Variants in TRPM3 observed in about 807,000 individuals in gnomAD.
The protein encoded by TRPM3 is transient receptor potential cation channel subfamily M member 3.
TRPM3 carries 77 observed loss-of-function variants against 181.2 expected under a neutral mutation model. The ratio of observed to expected loss-of-function variants is 0.42; its 90% confidence interval spans 0.35 to 0.51. The LOEUF (loss-of-function observed/expected upper bound fraction) is 0.51, where lower values mean the gene tolerates loss of function less well. TRPM3 is among the 20% of genes least tolerant of loss of function. The pLI, the probability that TRPM3 is intolerant of heterozygous loss-of-function variation, is 0.01. For missense variants in TRPM3, 1,759 were observed against 2,196.7 expected, an observed-to-expected ratio of 0.80 and a Z score of 3.98; for synonymous variants, 745 against 796.4, an observed-to-expected ratio of 0.94 and a Z score of 1.09.
intron 1 of TRPM3, among the ~76,000 whole-genome samples, chr9:71,015,173 T>C (rs1028629369): frequency 5.9e-5 from 9 of 152,196 alleles, no homozygotes; most frequent in Non-Finnish European, 8.8e-5. Context: ...TTTAAAATAC[T>C]GACTCCCTCT....
chr9:70,937,696 G>C (rs1453572643), intron 1 of TRPM3, among the ~76,000 whole-genome samples: 1 of 152,058 alleles, frequency 6.6e-6, no homozygotes, highest in Non-Finnish European at 1.5e-5. Flanking sequence ...TGAAATTGTG[G>C]CCCTATGGAA....
chr9:71,104,776 A>G (rs1019158063), intron 1 of TRPM3, among the ~76,000 whole-genome samples: 4 of 152,220 alleles, frequency 2.6e-5, no homozygotes, highest in African/African-American at 9.6e-5. Context: ...AATGTGAATT[A>G]TAATCACAAT....
intron 1 of TRPM3, among the ~76,000 whole-genome samples, chr9:70,943,570 C>A (rs575100460): frequency 6.6e-6 from 1 of 152,264 alleles, no homozygotes; most frequent in East Asian, 1.9e-4. Flanking sequence ...TCTTAACACA[C>A]GACTAACATC....
At chr9:70,846,344 C>T in intron 4 of TRPM3, 34 bp downstream of exon 4, 2 of 1,573,052 alleles carry the variant, frequency 1.3e-6, no homozygotes, top group Non-Finnish European at 1.8e-6. Flanking sequence ...TTCCCATGGC[C>T]TATGTTGACT....
chr9:70,925,122 T>A (rs1374087217), intron 1 of TRPM3, among the ~76,000 whole-genome samples: 1 of 152,206 alleles, frequency 6.6e-6, no homozygotes, highest in East Asian at 1.9e-4. Flanking sequence ...TAGCCCTACC[T>A]GCCCCTTTCC....
intron 1 of TRPM3, among the ~76,000 whole-genome samples, chr9:71,393,353 G>A (rs564989839): frequency 6.6e-6 from 1 of 152,186 alleles, no homozygotes; most frequent in East Asian, 1.9e-4. Flanking sequence ...TTTTATTTTT[G>A]TGTCCCAGAA....
chr9:70,902,182 C>T (rs1262821915), intron 1 of TRPM3, among the ~76,000 whole-genome samples: 1 of 152,198 alleles, frequency 6.6e-6, no homozygotes, highest in Admixed American at 6.5e-5. Flanking sequence ...ATTAACCATC[C>T]TTGCAAGCAA....
chr9:71,313,836 G>A (rs1034260234), intron 1 of TRPM3, among the ~76,000 whole-genome samples: 1 of 152,010 alleles, frequency 6.6e-6, no homozygotes, highest in African/African-American at 2.4e-5. Context: ...TTTTCTGGTT[G>A]TAAATATTGA....
chr9:71,410,886 T>C (rs1031328625), intron 1 of TRPM3, among the ~76,000 whole-genome samples: 1 of 152,116 alleles, frequency 6.6e-6, no homozygotes, highest in African/African-American at 2.4e-5. Flanking sequence ...CAACAGCACA[T>C]CAAAAAGTTT....
At position 70,537,384 on chromosome 9, in the gene TRPM3, C is replaced by T. The variant is rs755370100; in HGVS notation, c.3729G>A (p.Arg1243=). The T allele has an allele frequency of 2.0e-6, 3 of 1,487,826 alleles. No homozygotes were observed. The highest frequency in any genetic ancestry group is 2.4e-5 in the Admixed American group (1 of 42,218). 92.2% of individuals were successfully genotyped at this position (1,487,826 alleles called of 1,614,324 possible). A position where few individuals can be genotyped will look rare whatever the true frequency, so the allele number is the denominator to read the frequency against. The change falls in exon 26 of 26, where the codon CGG becomes CGA. Residue 1243 remains arginine (R), a synonymous_variant. Coordinates refer to ENST00000677713, the MANE Select transcript of TRPM3 (RefSeq NM_001366145.2). ...GCTCTCTCTCGTTGACTTCCTCCAG[C>T]CGCATAGACATGTTCTCCACCCTGC... ...TSERVENMSM[R]LEEVNEREHS...
intron 1 of TRPM3, chr9:71,446,558 C>G (rs921872352): frequency 3.8e-6 from 5 of 1,330,438 alleles, no homozygotes; most frequent in Admixed American, 2.3e-5. Context: ...GGCTCTCACC[C>G]TTAGGGAGGC....
At chr9:71,260,437 T>C (rs1250766669) in intron 1 of TRPM3, among the ~76,000 whole-genome samples, 2 of 152,138 alleles carry the variant, frequency 1.3e-5, no homozygotes, top group African/African-American at 4.8e-5. Flanking sequence ...TGGTAGCTTG[T>C]TAGGAATAGC....
intron 9 of TRPM3, among the ~76,000 whole-genome samples, chr9:70,642,387 A>G (rs2058193953): frequency 6.6e-6 from 1 of 152,216 alleles, no homozygotes; most frequent in Non-Finnish European, 1.5e-5. Context: ...TCTGATGTTT[A>G]GGAAAGAAAT....
At chr9:70,746,005 A>G (rs1035967503) in intron 8 of TRPM3, among the ~76,000 whole-genome samples, 4 of 152,156 alleles carry the variant, frequency 2.6e-5, no homozygotes, top group African/African-American at 9.7e-5. Flanking sequence ...ACAATTACTG[A>G]GTGCTTCCTA....
intron 1 of TRPM3, among the ~76,000 whole-genome samples, chr9:71,238,360 G>A (rs949469991): frequency 3.3e-5 from 5 of 152,080 alleles, no homozygotes; most frequent in South Asian, 2.1e-4. Context: ...TACACACACT[G>A]ATGTCAGATA....
chr9:70,681,454 G>C, intron 9 of TRPM3, 52 bp downstream of exon 9: 1 of 1,439,502 alleles, frequency 6.9e-7, no homozygotes, highest in East Asian at 2.3e-5. Context: ...TAAGGTCACT[G>C]TATTAATTCG....
At chr9:70,901,897 C>T (rs1049801372) in intron 1 of TRPM3, among the ~76,000 whole-genome samples, 3 of 152,136 alleles carry the variant, frequency 2.0e-5, no homozygotes, top group Non-Finnish European at 4.4e-5. Flanking sequence ...AAGCTTTAAC[C>T]AGCTGATGAT....
intron 1 of TRPM3, among the ~76,000 whole-genome samples, chr9:70,977,538 G>A (rs1356706611): frequency 1.3e-5 from 2 of 152,224 alleles, no homozygotes; most frequent in Non-Finnish European, 2.9e-5. Flanking sequence ...TGGGCATCCT[G>A]TAATTCCTTT....
intron 1 of TRPM3, among the ~76,000 whole-genome samples, chr9:71,366,810 T>G (rs1362795431): frequency 6.6e-6 from 1 of 152,094 alleles, no homozygotes; most frequent in Admixed American, 6.5e-5. Flanking sequence ...GATTATTATC[T>G]CTAATAGATA....
Sources: gnomAD v4.1 joint callset for allele counts (sites outside exome capture counted in the v4.1 genomes callset) on GRCh38, gnomAD v4.1.1 for gene constraint, MANE v1.5 for transcripts, NCBI Gene and HGNC (gene_info 2026-07-23, HGNC 2026-07-21) for gene names.